CRACDL: variants seen among roughly 807,000 people sequenced by gnomAD.
CRACDL encodes CRACD like.
CRACDL carries 26 observed loss-of-function variants against 70.6 expected under a neutral mutation model. That is an observed-to-expected ratio of 0.37 (90% CI 0.27 to 0.51). The LOEUF is 0.51. Ranked by LOEUF, CRACDL falls within the 20% of genes least tolerant of loss-of-function variation. CRACDL has a pLI of 0.94. For missense variants in CRACDL, 1,283 were observed against 1,376.9 expected (o/e 0.93, Z 1.08); for synonymous variants, 618 against 615.2 (o/e 1.00, Z -0.07).
At chr2:98,891,376 C>CAAAAAAAAAAAAAA (rs548988640) in intron 1 of CRACDL, among the ~76,000 whole-genome samples, 772 of 37,876 alleles carry the variant, frequency 0.02, 99 homozygotes, top group African/African-American at 0.031. Flanking sequence ...GACTCCGTCT[C>CAAAAAAAAAAAAAA]AAAAAAAAAA....
chr2:98,843,688 T>C (rs1009897855), intron 2 of CRACDL, among the ~76,000 whole-genome samples: 2 of 152,256 alleles, frequency 1.3e-5, no homozygotes, highest in African/African-American at 4.8e-5. Context: ...TGTATGGGTC[T>C]GTTTTTGAAC....
chr2:98,890,576 T>C (rs887764231), intron 1 of CRACDL, among the ~76,000 whole-genome samples: 14 of 152,254 alleles, frequency 9.2e-5, no homozygotes, highest in Admixed American at 3.9e-4. Flanking sequence ...GTTTAAAGAA[T>C]AGTACAAATT....
intron 1 of CRACDL, among the ~76,000 whole-genome samples, chr2:98,918,418 G>A (rs973419126): frequency 2.0e-5 from 3 of 151,582 alleles, no homozygotes; most frequent in African/African-American, 4.8e-5. Flanking sequence ...CTGTAATCCC[G>A]GCTTCTTGGG....
chr2:98,821,918 T>C lies in CRACDL; in HGVS notation c.2355A>G (p.Gly785=). The change falls in exon 7 of 10, where the codon GGA becomes GGG. Residue 785 remains glycine, a synonymous_variant. Coordinates refer to ENST00000397899, the MANE Select transcript of CRACDL (RefSeq NM_207362.3). Reference sequence around the variant, plus strand: ...TGGGCTCCTTCCTGGGTTCCCGCTCTCCCGGGCCGGCGTCGGGGGGCGCGG... The same window carrying C: ...TGGGCTCCTTCCTGGGTTCCCGCTCCCCCGGGCCGGCGTCGGGGGGCGCGG... ...HQPAPPDAGP[G]EREPRKEPRT... 1 of 1,593,062 alleles carries C rather than the reference T, an allele frequency of 6.3e-7. No individual in the cohort carries two copies. The highest frequency in any genetic ancestry group is 1.1e-5 in the South Asian group (1 of 88,370).
chr2:98,808,391 A>C (rs1311619921), intron 7 of CRACDL, among the ~76,000 whole-genome samples: 1 of 152,154 alleles, frequency 6.6e-6, no homozygotes, highest in East Asian at 1.9e-4. Flanking sequence ...GGTGACCGCA[A>C]GTTGCAGCCA....
intron 1 of CRACDL, among the ~76,000 whole-genome samples, chr2:98,894,462 G>T (rs1314164238): frequency 6.6e-6 from 1 of 152,246 alleles, no homozygotes; most frequent in Non-Finnish European, 1.5e-5. Flanking sequence ...AATGTACGAT[G>T]GAAAATCCCC....
Position 98,822,117 on chromosome 2 carries a change from A to C in CRACDL, c.2156T>G (p.Leu719Arg). 1 of 1,584,386 alleles carries C rather than the reference A, an allele frequency of 6.3e-7. No individual in the cohort carries two copies. The highest frequency in any genetic ancestry group is 8.6e-7 in the Non-Finnish European group (1 of 1,165,384). ...YSAEVRLERS[L>R]TVLPKEEKCP... ...CTTCTCCTCCTTCGGGAGCACGGTC[A>C]GCGACCTTTCTAACCGGACCTCGGC... The change falls in exon 7 of 10, where the codon CTG (leucine) becomes CGG (arginine). Residue 719 changes from leucine (L) to arginine (R), a missense_variant. Coordinates refer to ENST00000397899, the MANE Select transcript of CRACDL (RefSeq NM_207362.3). This position sits in a 1 kb window ranked among gnomAD's most constrained non-coding sequence, Gnocchi z 4.9.
At position 98,822,332 on chromosome 2, in the gene CRACDL, C is replaced by G; in HGVS notation, c.1941G>C (p.Pro647=). 1.4e-6 allele frequency: 2 copies of G among 1,457,214 alleles called. No individual in the cohort carries two copies. The highest frequency in any genetic ancestry group is 1.8e-6 in the Non-Finnish European group (2 of 1,116,480). The allele number at this position is 1,457,214 out of a possible 1,614,324, so 90.3% of individuals were successfully genotyped here. A position where few individuals can be genotyped will look rare whatever the true frequency, so the allele number is the denominator to read the frequency against. ...PQDSGDRAAS[P]AGPRKSPQEA... ...CCTGAGGGCTCTTGCGCGGCCCGGC[C>G]GGGCTGGCCGCCCTGTCCCCCGAGT... The change falls in exon 7 of 10, where the codon CCG becomes CCC. Residue 647 remains proline, a synonymous_variant. Coordinates refer to ENST00000397899, the MANE Select transcript of CRACDL (RefSeq NM_207362.3). The surrounding 1 kb of genome is among the most constrained non-coding windows in gnomAD (Gnocchi z 4.9).
At position 98,822,845 on chromosome 2, in the gene CRACDL, G is replaced by C. The variant is rs746965485; in HGVS notation, c.1428C>G (p.Pro476=). The stretch of plus-strand genomic sequence containing the variant: ...TGGAGGGCTCGGTCCCAATTCTCTC[G>C]GGCTCGGTCCCCGCTCCTCTCTCGG... The part of the protein sequence containing the change: ...TEPERGAGTE[P]ERIGTEPSTA... Residue 476 remains proline, a synonymous_variant, in exon 7 of 10, where the codon CCC becomes CCG. Transcript: ENST00000397899. The surrounding 1 kb of genome is among the most constrained non-coding windows in gnomAD (Gnocchi z 4.9). 1.4e-6 allele frequency: 2 copies of C among 1,444,060 alleles called. No homozygotes were observed. Among genetic ancestry groups the C allele is most frequent in the Admixed American group, 2.7e-5 (1 of 37,272 alleles). The allele number at this position is 1,444,060 out of a possible 1,614,324, so 89.5% of individuals were successfully genotyped here.
chr2:98,826,387 C>G (rs990622648), intron 6 of CRACDL, among the ~76,000 whole-genome samples: 1 of 152,210 alleles, frequency 6.6e-6, no homozygotes, highest in Non-Finnish European at 1.5e-5. Context: ...TAGAAATGTT[C>G]TAAGGGCTGA....
In CRACDL at chr2:98,881,912, C is replaced by T. The variant is rs752645432; in HGVS notation, c.-10-35102G>A. 4.4e-4 allele frequency among the ~76,000 whole-genome samples: 67 copies of T among 152,190 alleles called. 2 individuals are homozygous for T. The highest frequency in any genetic ancestry group is 1.5e-4 in the Non-Finnish European group (10 of 68,032). On this transcript the variant is annotated intron_variant, in intron 1 of 9. Transcript: ENST00000397899. ...AAGACCCAGCCTCTAATTGTTTAGG[C>T]TGCACTCAGAAGGCCTGGACAACTG...
At chr2:98,811,534 A>G (rs1028942199) in intron 7 of CRACDL, among the ~76,000 whole-genome samples, 17 of 151,708 alleles carry the variant, frequency 1.1e-4, no homozygotes, top group East Asian at 5.8e-4. Context: ...AAAAAAAAAA[A>G]AAAAAGAAAA....
At chr2:98,890,785 G>T (rs967660440) in intron 1 of CRACDL, among the ~76,000 whole-genome samples, 6 of 152,188 alleles carry the variant, frequency 3.9e-5, no homozygotes, top group Admixed American at 6.5e-5. Flanking sequence ...GGCTGGGCGT[G>T]GTGGCTCACA....
chr2:98,801,709 T>G (rs1467059732), intron 7 of CRACDL, among the ~76,000 whole-genome samples: 3 of 152,182 alleles, frequency 2.0e-5, no homozygotes, highest in Admixed American at 2.0e-4. Flanking sequence ...GGGTGAAATA[T>G]CCACTGTCTA....
chr2:98,859,938 T>A (rs1356867919), intron 1 of CRACDL, among the ~76,000 whole-genome samples: 1 of 152,184 alleles, frequency 6.6e-6, no homozygotes, highest in Non-Finnish European at 1.5e-5. Context: ...CTATTATAAC[T>A]AAAGTTTGCA....
At chr2:98,882,721 C>T (rs1707687588) in intron 1 of CRACDL, among the ~76,000 whole-genome samples, 1 of 152,144 alleles carries the variant, frequency 6.6e-6, no homozygotes, top group Non-Finnish European at 1.5e-5. Context: ...CAGGGGCTGG[C>T]TGAGTGATGT....
intron 1 of CRACDL, among the ~76,000 whole-genome samples, chr2:98,905,897 G>A (rs1246933600): frequency 4.6e-5 from 7 of 152,126 alleles, no homozygotes; most frequent in East Asian, 1.9e-4. Flanking sequence ...GATTACAGGC[G>A]TGAGTCACCA....
chr2:98,812,392 T>C (rs1704606543), intron 7 of CRACDL, among the ~76,000 whole-genome samples: 1 of 152,256 alleles, frequency 6.6e-6, no homozygotes. Flanking sequence ...GTCATAAGCA[T>C]ATTTTTAATT....
intron 1 of CRACDL, among the ~76,000 whole-genome samples, chr2:98,891,407 C>CAAAAAAAAAAAAAAAAAA (rs1707978089): frequency 1.1e-5 from 1 of 90,458 alleles, no homozygotes; most frequent in African/African-American, 5.1e-5. Context: ...AAAAAAAAAT[C>CAAAAAAAAAAAAAAAAAA]CAAACTTTGG....
Sources: allele counts gnomAD v4.1 joint callset (sites outside exome capture counted in the v4.1 genomes callset), GRCh38; gene constraint gnomAD v4.1.1; non-coding constraint Gnocchi (gnomAD v3.1); transcripts MANE v1.5; gene names NCBI Gene and HGNC (gene_info 2026-07-23, HGNC 2026-07-21).